Variants in ANKS1B observed in about 807,000 individuals in gnomAD.
ANKS1B encodes ankyrin repeat and sterile alpha motif domain containing 1B, also known as ankyrin repeat and sterile alpha motif domain-containing protein 1B.
Under a neutral mutation model 148.3 loss-of-function variants are expected in ANKS1B, and 36 were observed. The ratio of observed to expected loss-of-function variants is 0.24; its 90% CI spans 0.19 to 0.32. The LOEUF is 0.32. Among genes scored for constraint, ANKS1B ranks in the 10% least tolerant of loss-of-function variants. The pLI is 1.00. For synonymous variants in ANKS1B, 542 were observed against 560.8 expected (o/e 0.97, Z 0.47); for missense variants, 1,157 against 1,542.6 (o/e 0.75, Z 4.19).
chr12:98,870,166 C>T, intron 17 of ANKS1B, among the ~76,000 whole-genome samples: 1 of 152,230 alleles, frequency 6.6e-6, no homozygotes, highest in African/African-American at 2.4e-5. Context: ...TGATATAACA[C>T]ATCTAAAGCA....
intron 14 of ANKS1B, among the ~76,000 whole-genome samples, chr12:99,203,571 C>T (rs1601651216): frequency 1.3e-5 from 2 of 152,066 alleles, no homozygotes; most frequent in East Asian, 3.9e-4. Context: ...CTGTCTCAGC[C>T]TCCCAAGTAG....
chr12:99,858,196 A>G (rs1362930491), intron 1 of ANKS1B, among the ~76,000 whole-genome samples: 1 of 152,222 alleles, frequency 6.6e-6, no homozygotes, highest in African/African-American at 2.4e-5. Context: ...CAAGAAAAAA[A>G]CAAATAATCC....
At chr12:99,464,441 A>T (rs552582795) in intron 10 of ANKS1B, among the ~76,000 whole-genome samples, 2 of 152,240 alleles carry the variant, frequency 1.3e-5, no homozygotes, top group Non-Finnish European at 2.9e-5. Flanking sequence ...AGCTGGACGG[A>T]GAATGACTTT....
At chr12:99,752,535 A>G (rs928066525) in intron 8 of ANKS1B, among the ~76,000 whole-genome samples, 38 of 152,096 alleles carry the variant, frequency 2.5e-4, no homozygotes, top group Admixed American at 1.2e-3. Context: ...TAGCTTTAAA[A>G]TAAGAGACTA....
intron 9 of ANKS1B, among the ~76,000 whole-genome samples, chr12:99,609,176 A>G (rs2097877617): frequency 6.6e-6 from 1 of 152,080 alleles, no homozygotes; most frequent in Non-Finnish European, 1.5e-5. Flanking sequence ...GACACCTTAG[A>G]AAAAGCCTGA....
intron 14 of ANKS1B, among the ~76,000 whole-genome samples, chr12:99,189,794 C>A (rs1164719462): frequency 6.6e-6 from 1 of 152,026 alleles, no homozygotes; most frequent in Non-Finnish European, 1.5e-5. Flanking sequence ...AGAAGGATGC[C>A]CTCTCTCACC....
intron 9 of ANKS1B, among the ~76,000 whole-genome samples, chr12:99,520,686 A>G (rs1201760235): frequency 6.6e-6 from 1 of 152,174 alleles, no homozygotes; most frequent in Non-Finnish European, 1.5e-5. Flanking sequence ...TTTAAGGCCA[A>G]TAACTCTTAG....
At position 99,344,406 on chromosome 12, in the gene ANKS1B, G is replaced by T. The variant is rs74718647; in HGVS notation, c.1756+55225C>A. ...ATCATAATTGTTTTCTGTCTCTTAA[G>T]AATGGATTCTTAGGTTTTTGGAATA... On this transcript the variant is annotated intron_variant, in intron 12 of 26. Coordinates refer to ENST00000683438, the MANE Select transcript of ANKS1B (RefSeq NM_001352186.2). 3.5e-3 allele frequency among the ~76,000 whole-genome samples: 527 copies of T among 152,054 alleles called. 32 individuals are homozygous for T. The East Asian group carries it at 0.084, about 24-fold the overall frequency.
chr12:98,893,553 T>C (rs1431525784), intron 17 of ANKS1B: 1 of 152,294 alleles, frequency 6.6e-6, no homozygotes, highest in Non-Finnish European at 1.5e-5. Flanking sequence ...ATTCCTCATG[T>C]TGCCATTCCA....
At chr12:99,028,705 A>C (rs1296520483) in intron 17 of ANKS1B, among the ~76,000 whole-genome samples, 1 of 152,236 alleles carries the variant, frequency 6.6e-6, no homozygotes, top group African/African-American at 2.4e-5. Context: ...CCATAGCTGT[A>C]CAAAAGAATA....
At chr12:98,977,468 T>C (rs1012695610) in intron 17 of ANKS1B, among the ~76,000 whole-genome samples, 1 of 151,472 alleles carries the variant, frequency 6.6e-6, no homozygotes, top group African/African-American at 2.4e-5. Flanking sequence ...TATCCATTCA[T>C]ATATAAGCAT....
At chr12:99,321,170 G>A (rs959528432) in intron 12 of ANKS1B, among the ~76,000 whole-genome samples, 2 of 152,222 alleles carry the variant, frequency 1.3e-5, no homozygotes, top group Admixed American at 1.3e-4. Flanking sequence ...ACTTGAGGAG[G>A]CAGTCTGTCC....
At chr12:98,955,985 C>T (rs1443440974) in intron 17 of ANKS1B, among the ~76,000 whole-genome samples, 1 of 152,200 alleles carries the variant, frequency 6.6e-6, no homozygotes, top group Non-Finnish European at 1.5e-5. Flanking sequence ...CATTGGAAAT[C>T]AGACTCTTCT....
At chr12:98,954,718 T>G (rs2153094940) in intron 17 of ANKS1B, among the ~76,000 whole-genome samples, 1 of 152,312 alleles carries the variant, frequency 6.6e-6, no homozygotes, top group Middle Eastern at 3.4e-3. Flanking sequence ...ACTATATTCT[T>G]CCACTAGCCT....
At chr12:99,113,920 A>G (rs1434896400) in intron 15 of ANKS1B, among the ~76,000 whole-genome samples, 1 of 152,206 alleles carries the variant, frequency 6.6e-6, no homozygotes, top group African/African-American at 2.4e-5. Context: ...ATCTTTAGTT[A>G]TACCTATAGT....
chr12:99,907,834 A>C (rs928297709), intron 1 of ANKS1B, among the ~76,000 whole-genome samples: 6 of 151,190 alleles, frequency 4.0e-5, no homozygotes, highest in South Asian at 2.1e-4. Context: ...AAAAAAAAAA[A>C]AAAACTGTAA....
At chr12:99,961,526 G>A (rs2095412343) in intron 1 of ANKS1B, among the ~76,000 whole-genome samples, 1 of 152,090 alleles carries the variant, frequency 6.6e-6, no homozygotes, top group Admixed American at 6.6e-5. Context: ...TCACTGCCTT[G>A]ATTCCTGGTC....
At chr12:99,472,919 A>C (rs569944840) in intron 10 of ANKS1B, among the ~76,000 whole-genome samples, 3 of 152,226 alleles carry the variant, frequency 2.0e-5, no homozygotes, top group Admixed American at 6.5e-5. Context: ...ATTATGGATT[A>C]ATTTTTTAAA....
intron 17 of ANKS1B, among the ~76,000 whole-genome samples, chr12:99,045,280 A>T (rs990064121): frequency 4.6e-5 from 7 of 151,888 alleles, no homozygotes; most frequent in African/African-American, 1.7e-4. Flanking sequence ...TAAAAAATTA[A>T]TTTTTTTTGC....
Sources: gnomAD v4.1 joint callset for allele counts (sites outside exome capture counted in the v4.1 genomes callset) on GRCh38, gnomAD v4.1.1 for gene constraint, MANE v1.5 for transcripts, NCBI Gene and HGNC (gene_info 2026-07-23, HGNC 2026-07-21) for gene names.